RTTN: variants seen among roughly 807,000 people sequenced by gnomAD.
RTTN encodes rotatin.
RTTN carries 182 observed loss-of-function variants against 269.2 expected under a neutral mutation model. The ratio of observed to expected loss-of-function variants is 0.68; its 90% CI spans 0.60 to 0.76. The LOEUF is 0.76. Ranked by LOEUF, RTTN falls within the 30% of genes least tolerant of loss-of-function variation. RTTN has a pLI of 0.00. For synonymous variants in RTTN, 1,006 were observed against 963.5 expected, an observed-to-expected ratio of 1.04 and a Z score of -0.82; for missense variants, 2,545 against 2,608.6, an observed-to-expected ratio of 0.98 and a Z score of 0.53.
Position 70,166,198 on chromosome 18 carries a change from A to T in RTTN, c.1803-10T>A. 6.2e-7 allele frequency: 1 copy of T among 1,612,316 alleles called. No homozygotes were observed. The highest frequency in any genetic ancestry group is 8.5e-7 in the Non-Finnish European group (1 of 1,178,952). On this transcript the variant is annotated splice_polypyrimidine_tract_variant and intron_variant, in intron 13 of 48. Transcript: ENST00000640769. ...CTGAGCAGATTTCCAGCTGGTGAAA[A>T]GGTAAAACAACCAAGACATGTGAGG...
chr18:70,150,709 T>G lies in RTTN; in HGVS notation c.1954A>C (p.Thr652Pro), dbSNP rs2060514342. 1.2e-6 allele frequency: 2 copies of G among 1,605,416 alleles called. No individual in the cohort carries two copies. The highest frequency in any genetic ancestry group is 1.1e-5 in the South Asian group (1 of 90,826). The change falls in exon 15 of 49, where the codon ACT becomes CCT. Residue 652 changes from threonine to proline, a missense_variant. Physicochemically the swap from Thr to Pro is conservative, Grantham distance 38. Coordinates refer to ENST00000640769, the MANE Select transcript of RTTN (RefSeq NM_173630.4). Reference sequence around the variant, plus strand: ...TTGCAAAGTGAAGACACGGGTTTAGTGACATTATGGACACCTAAACATTCC... The same window carrying G: ...TTGCAAAGTGAAGACACGGGTTTAGGGACATTATGGACACCTAAACATTCC... ...TKECLGVHNVTKPVSSLCNGI... is the reference protein window; with the variant it reads ...TKECLGVHNVPKPVSSLCNGI...
At chr18:70,205,572 C>G (rs2062058527) in intron 1 of RTTN, 56 bp downstream of exon 1, 1 of 1,610,066 alleles carries the variant, frequency 6.2e-7, no homozygotes. Flanking sequence ...CGACCATTCT[C>G]AGCAAGTGGC....
At chr18:70,064,791 A>G (rs2058088316) in intron 35 of RTTN, among the ~76,000 whole-genome samples, 1 of 152,200 alleles carries the variant, frequency 6.6e-6, no homozygotes. Context: ...AATATACTTA[A>G]AACCAATAAA....
At chr18:70,142,411 A>AAAAAAAAAC (rs1555752782) in intron 18 of RTTN, 24 bp from the exon 19 acceptor site, 1 of 881,796 alleles carries the variant, frequency 1.1e-6, no homozygotes. Flanking sequence ...AAAAAAAAAA[A>AAAAAAAAAC]CCAAAATTAC....
In RTTN at chr18:70,182,818, C is replaced by A. The variant is rs184480120; in HGVS notation, c.1305+5290G>T. 2.9e-3 allele frequency among the ~76,000 whole-genome samples: 439 copies of A among 151,642 alleles called. 1 individual carries two copies. Among genetic ancestry groups the A allele is most frequent in the African/African-American group, 9.8e-3 (407 of 41,362 alleles). ...ATATTACTTATCAAAACACTTCTTA[C>A]AAAAAAAACAAAATTTAATTCCATA... On this transcript the variant is annotated intron_variant, in intron 10 of 48. Transcript: ENST00000640769.
At chr18:70,140,024 T>A in intron 20 of RTTN, 76 bp downstream of exon 20, 1 of 974,162 alleles carries the variant, frequency 1.0e-6, no homozygotes, top group South Asian at 1.4e-5. Context: ...CTCATCCAAA[T>A]TCTGCTCAGT....
intron 19 of RTTN, among the ~76,000 whole-genome samples, chr18:70,140,981 TA>T (rs879642394): frequency 1.5e-4 from 23 of 149,310 alleles, no homozygotes; most frequent in Non-Finnish European, 1.3e-4. Context: ...AGCTGCTACT[TA>T]AAAAAAAAAA....
intron 18 of RTTN, among the ~76,000 whole-genome samples, chr18:70,143,766 CATAA>C (rs2060319637): frequency 6.6e-6 from 1 of 151,880 alleles, no homozygotes; most frequent in African/African-American, 2.4e-5. Context: ...AAAATAAATA[CATAA>C]ATAAATAAAA....
intron 13 of RTTN, 21 bp from the exon 14 acceptor site, chr18:70,166,209 C>T (rs2060982023): frequency 6.2e-7 from 1 of 1,611,076 alleles, no homozygotes; most frequent in Non-Finnish European, 8.5e-7. Flanking sequence ...GGTAAAACAA[C>T]CAAGACATGT....
At chr18:70,047,440 C>T (rs1385356051) in intron 40 of RTTN, among the ~76,000 whole-genome samples, 4 of 152,234 alleles carry the variant, frequency 2.6e-5, no homozygotes, top group African/African-American at 7.2e-5. Flanking sequence ...TCTTGATTCA[C>T]ATTTTAGACT....
chr18:70,036,535 G>A (rs997120547), intron 40 of RTTN, among the ~76,000 whole-genome samples: 5 of 152,148 alleles, frequency 3.3e-5, no homozygotes, highest in Non-Finnish European at 7.3e-5. Context: ...AGACAATGGG[G>A]CCTACCAGTG....
At chr18:70,038,384 T>A (rs2057240155) in intron 40 of RTTN, among the ~76,000 whole-genome samples, 1 of 152,144 alleles carries the variant, frequency 6.6e-6, no homozygotes, top group Admixed American at 6.5e-5. Flanking sequence ...TATCACCACA[T>A]CCCCAGTTCC....
intron 37 of RTTN, among the ~76,000 whole-genome samples, chr18:70,056,832 T>C (rs959609803): frequency 6.6e-6 from 1 of 152,256 alleles, no homozygotes; most frequent in Admixed American, 6.5e-5. Context: ...GTTTTTCTTC[T>C]GAGATGTCTA....
At chr18:70,170,987 C>T (rs745551717) in intron 11 of RTTN, among the ~76,000 whole-genome samples, 7 of 151,972 alleles carry the variant, frequency 4.6e-5, no homozygotes, top group Non-Finnish European at 1.0e-4. Context: ...ACAGGCAAGA[C>T]TATAGGAAGA....
At chr18:70,056,794 C>G (rs1410662613) in intron 37 of RTTN, among the ~76,000 whole-genome samples, 1 of 152,250 alleles carries the variant, frequency 6.6e-6, no homozygotes, top group Non-Finnish European at 1.5e-5. Context: ...CCTTCCAACT[C>G]TGACATCACT....
Position 70,204,252 on chromosome 18 carries a change from T to A in RTTN, c.231A>T (p.Ala77=). Residue 77 remains alanine (A), a synonymous_variant, in exon 3 of 49, where the codon GCA becomes GCT. Coordinates refer to ENST00000640769, the MANE Select transcript of RTTN (RefSeq NM_173630.4). ...CACCAACGTCAACCAAATGTTGGAC[T>A]GCTGGGGGATACTAAAATAAGAAGA... ...LLSRLVKYPP[A]VQHLVDVGAV... 6.2e-7 allele frequency: 1 copy of A among 1,605,126 alleles called. No individual in the cohort carries two copies. The highest frequency in any genetic ancestry group is 8.5e-7 in the Non-Finnish European group (1 of 1,177,332).
chr18:70,147,029 G>C (rs2060411770), intron 17 of RTTN, among the ~76,000 whole-genome samples: 1 of 152,188 alleles, frequency 6.6e-6, no homozygotes, highest in Admixed American at 6.6e-5. Context: ...TGTCAGTTGA[G>C]AGACAGGTAT....
intron 25 of RTTN, among the ~76,000 whole-genome samples, chr18:70,125,253 T>C (rs2059835987): frequency 6.6e-6 from 1 of 152,044 alleles, no homozygotes; most frequent in Non-Finnish European, 1.5e-5. Context: ...TTCATTTCGG[T>C]ATACATGTAA....
intron 37 of RTTN, among the ~76,000 whole-genome samples, chr18:70,056,461 A>G (rs1354104323): frequency 1.3e-5 from 2 of 152,260 alleles, no homozygotes; most frequent in African/African-American, 4.8e-5. Flanking sequence ...ACAAATGCCC[A>G]TAAATGTTTG....
Sources: gnomAD v4.1 joint callset for allele counts (sites outside exome capture counted in the v4.1 genomes callset) on GRCh38, gnomAD v4.1.1 for gene constraint, MANE v1.5 for transcripts, NCBI Gene and HGNC (gene_info 2026-07-23, HGNC 2026-07-21) for gene names.